Variants in CTIF observed in about 807,000 individuals in gnomAD.
The protein encoded by CTIF is CBP80/20-dependent translation initiation factor.
Under a neutral mutation model 66.0 loss-of-function variants are expected in CTIF, and 21 were observed. The observed-to-expected ratio is 0.32, with a 90% CI of 0.23 to 0.46. The LOEUF is 0.46. Among genes scored for constraint, CTIF ranks in the 20% least tolerant of loss-of-function variants. The pLI is 1.00. For missense variants in CTIF, 739 were observed against 812.7 expected, an observed-to-expected ratio of 0.91 and a Z score of 1.10; for synonymous variants, 345 against 326.4, an observed-to-expected ratio of 1.06 and a Z score of -0.62.
At chr18:48,554,737 G>C (rs1270571535) in intron 1 of CTIF, among the ~76,000 whole-genome samples, 1 of 152,248 alleles carries the variant, frequency 6.6e-6, no homozygotes, top group African/African-American at 2.4e-5. Context: ...AGATGGGAGA[G>C]GCTCTAAATG....
At chr18:48,739,089 C>G (rs2092531435) in intron 7 of CTIF, among the ~76,000 whole-genome samples, 2 of 152,196 alleles carry the variant, frequency 1.3e-5, no homozygotes, top group African/African-American at 4.8e-5. Flanking sequence ...CCCCCTGTCT[C>G]TAAGTCTTCT....
At chr18:48,818,709 T>C (rs2068421090) in intron 10 of CTIF, among the ~76,000 whole-genome samples, 2 of 152,070 alleles carry the variant, frequency 1.3e-5, no homozygotes, top group South Asian at 4.1e-4. Flanking sequence ...CACTGGGACC[T>C]GGACGCCTCC....
At chr18:48,851,090 G>A (rs370689257) in intron 10 of CTIF, among the ~76,000 whole-genome samples, 2 of 152,228 alleles carry the variant, frequency 1.3e-5, no homozygotes, top group African/African-American at 2.4e-5. Flanking sequence ...GGTTGGAAGG[G>A]GGGGCTCTAG....
intron 7 of CTIF, among the ~76,000 whole-genome samples, chr18:48,727,188 A>G (rs2092393914): frequency 6.6e-6 from 1 of 152,212 alleles, no homozygotes; most frequent in African/African-American, 2.4e-5. Flanking sequence ...CAAGAAGCAC[A>G]TAGACATTGT....
At chr18:48,734,134 G>A (rs8099194) in intron 7 of CTIF, among the ~76,000 whole-genome samples, 1 of 152,208 alleles carries the variant, frequency 6.6e-6, no homozygotes, top group Non-Finnish European at 1.5e-5. Context: ...TAGGGGAAGA[G>A]GCCAGGCTGT....
chr18:48,621,489 C>A (rs1330062152), intron 2 of CTIF: 1 of 343,188 alleles, frequency 2.9e-6, no homozygotes, highest in Admixed American at 4.1e-5. Context: ...AGTCCTGAGC[C>A]CTGGAGTGGC....
chr18:48,627,715 T>A (rs541212306), intron 2 of CTIF, among the ~76,000 whole-genome samples: 43 of 134,160 alleles, frequency 3.2e-4, no homozygotes, highest in Non-Finnish European at 5.6e-4. Context: ...TGAGACCCTG[T>A]CTCAAAACAA....
intron 1 of CTIF, among the ~76,000 whole-genome samples, chr18:48,588,566 C>T (rs2089820925): frequency 6.6e-6 from 1 of 152,216 alleles, no homozygotes; most frequent in African/African-American, 2.4e-5. Flanking sequence ...AAACACATGG[C>T]ATCCTGCCTC....
chr18:48,771,822 G>A (rs796510619), intron 9 of CTIF, among the ~76,000 whole-genome samples: 1 of 152,338 alleles, frequency 6.6e-6, no homozygotes, highest in African/African-American at 2.4e-5. Context: ...GCCCCCAGCC[G>A]CCGCGGGGAA....
rs187650470 is a variant in CTIF, at chr18:48,730,588, T to A, written c.584+18893T>A. 1.0e-3 allele frequency among the ~76,000 whole-genome samples: 5 copies of A among 4,972 alleles called. 2 individuals carry two copies. The highest frequency in any genetic ancestry group is 0.031 in the South Asian group (2 of 64). 3.3% of individuals were successfully genotyped at this position (4,972 alleles called of 152,430 possible). A position where few individuals can be genotyped will look rare whatever the true frequency, so the allele number is the denominator to read the frequency against. The stretch of plus-strand genomic sequence containing the variant: ...GCTTCTGCGGTGTGAGGGGCCCCTG[T>A]GGTGTGAGGGGCTTCTGCTGTGTGA... On this transcript the variant is annotated intron_variant, in intron 7 of 11. Coordinates refer to ENST00000256413, the MANE Select transcript of CTIF (RefSeq NM_014772.3).
intron 11 of CTIF, among the ~76,000 whole-genome samples, chr18:48,858,592 A>G (rs2069383165): frequency 6.6e-6 from 1 of 152,198 alleles, no homozygotes. Context: ...TAGAAAAATG[A>G]ATGGGACAAG....
intron 9 of CTIF, among the ~76,000 whole-genome samples, chr18:48,815,928 C>T (rs1004473586): frequency 2.0e-5 from 3 of 152,232 alleles, no homozygotes; most frequent in African/African-American, 7.2e-5. Context: ...CCCTTTCCAT[C>T]AACCCTTACA....
intron 9 of CTIF, among the ~76,000 whole-genome samples, chr18:48,795,999 G>C (rs1242352665): frequency 6.6e-6 from 1 of 151,978 alleles, no homozygotes; most frequent in Non-Finnish European, 1.5e-5. Flanking sequence ...GGTGTTGGTT[G>C]GTTGGTTTGT....
At chr18:48,562,755 T>C (rs1340783890) in intron 1 of CTIF, among the ~76,000 whole-genome samples, 1 of 152,220 alleles carries the variant, frequency 6.6e-6, no homozygotes, top group Admixed American at 6.5e-5. Flanking sequence ...ATCATAATTA[T>C]GCCTGATAAA....
At chr18:48,767,408 C>A (rs1909675255) in intron 9 of CTIF, among the ~76,000 whole-genome samples, 2 of 152,144 alleles carry the variant, frequency 1.3e-5, no homozygotes, top group Non-Finnish European at 2.9e-5. Flanking sequence ...GGGAATGCTC[C>A]TTTGCTGAGA....
chr18:48,669,057 C>T lies in CTIF; in HGVS notation c.432-1612C>T, dbSNP rs953787835. Among the ~76,000 whole-genome samples, 8 of 152,238 alleles carry T rather than the reference C, an allele frequency of 5.3e-5. 1 individual carries two copies. In the South Asian group the frequency reaches 8.3e-4, roughly 16 times the overall value. On this transcript the variant is annotated intron_variant, in intron 5 of 11. Coordinates refer to ENST00000256413, the MANE Select transcript of CTIF (RefSeq NM_014772.3). ...GTTTCTCCTCCTCTGGGTTCCAGGGCGCCTCTGGCCATAGGACTTTTATGA... is the reference window on the plus strand; with the variant it reads ...GTTTCTCCTCCTCTGGGTTCCAGGGTGCCTCTGGCCATAGGACTTTTATGA...
chr18:48,759,671 C>T (rs1400130809), intron 8 of CTIF, among the ~76,000 whole-genome samples: 2 of 152,216 alleles, frequency 1.3e-5, no homozygotes, highest in African/African-American at 4.8e-5. Flanking sequence ...TACTACACAC[C>T]TTGCTGAGAG....
rs543442702 is a variant in CTIF at position 48,679,942 on chromosome 18, C to G, written c.507+9198C>G. Among the ~76,000 whole-genome samples, 6 of 152,184 alleles carry G rather than the reference C, an allele frequency of 3.9e-5. No individual in the cohort carries two copies. The South Asian group carries it at 1.2e-3, about 32-fold the overall frequency. On this transcript the variant is annotated intron_variant, in intron 6 of 11. Coordinates refer to ENST00000256413, the MANE Select transcript of CTIF (RefSeq NM_014772.3). ...AGGAGGCTGTTGAGAGTGGGGGAGTCCAGGAGTCCTCGAGAGGGGAGACTG... is the reference window on the plus strand; with the variant it reads ...AGGAGGCTGTTGAGAGTGGGGGAGTGCAGGAGTCCTCGAGAGGGGAGACTG...
At position 48,761,866 on chromosome 18, in the gene CTIF, G is replaced by A. The variant is rs1346591533; in HGVS notation, c.1371+177G>A. ...TTAAGGGGCCAGGAATGAGCGGCTG[G>A]ATTTGTGTGTGTTTATGTGTGGGCT... On this transcript the variant is annotated intron_variant, in intron 9 of 11. Coordinates refer to ENST00000256413, the MANE Select transcript of CTIF (RefSeq NM_014772.3). The surrounding 1 kb of genome is among the most constrained non-coding windows in gnomAD (Gnocchi z 4.2). Among the ~76,000 whole-genome samples the A allele has an allele frequency of 2.0e-5, 3 of 152,380 alleles. No homozygotes were observed. The South Asian group carries it at 6.2e-4, about 32-fold the overall frequency.
Sources: allele counts gnomAD v4.1 joint callset (sites outside exome capture counted in the v4.1 genomes callset), GRCh38; gene constraint gnomAD v4.1.1; non-coding constraint Gnocchi (gnomAD v3.1); transcripts MANE v1.5; gene names NCBI Gene and HGNC (gene_info 2026-07-23, HGNC 2026-07-21).